The following SLCO1B1 variants were observed in gnomAD, a reference collection of about 807,000 sequenced individuals.
The protein encoded by SLCO1B1 is OATP-2.
SLCO1B1 carries 81 observed loss-of-function variants against 70.1 expected under a neutral mutation model. That is an observed-to-expected ratio of 1.16 (90% CI 0.97 to 1.39). SLCO1B1 has a LOEUF of 1.39. Among genes scored for constraint, SLCO1B1 ranks in the 40% most tolerant of loss-of-function variants. The pLI is 0.00. For synonymous variants in SLCO1B1, 283 were observed against 271.5 expected (o/e 1.04, Z -0.42); for missense variants, 895 against 799.6 (o/e 1.12, Z -1.44).
intron 1 of SLCO1B1, among the ~76,000 whole-genome samples, chr12:21,139,519 C>T (rs1459022230): frequency 6.6e-6 from 1 of 152,024 alleles, no homozygotes; most frequent in East Asian, 1.9e-4. Flanking sequence ...TATGCACTAT[C>T]CCTTAAATAT....
At chr12:21,154,833 ATATATCTCTT>A (rs1565667854) in intron 2 of SLCO1B1, among the ~76,000 whole-genome samples, 1 of 152,122 alleles carries the variant, frequency 6.6e-6, no homozygotes, top group East Asian at 1.9e-4. Context: ...ATGCTTGAGC[ATATATCTCTT>A]TATAGCTGAG....
intron 11 of SLCO1B1, among the ~76,000 whole-genome samples, chr12:21,208,680 A>C (rs1565439376): frequency 6.6e-6 from 1 of 152,092 alleles, no homozygotes; most frequent in Non-Finnish European, 1.5e-5. Flanking sequence ...CGGTTGTTTG[A>C]TAAGAATACC....
intron 11 of SLCO1B1, among the ~76,000 whole-genome samples, chr12:21,216,168 A>C (rs1290091851): frequency 6.6e-6 from 1 of 152,102 alleles, no homozygotes; most frequent in Non-Finnish European, 1.5e-5. Context: ...TTATTACTAA[A>C]TCCTCAATAA....
intron 2 of SLCO1B1, 86 bp from the exon 3 acceptor site, chr12:21,172,563 AG>A: frequency 2.1e-6 from 3 of 1,408,598 alleles, no homozygotes; most frequent in Non-Finnish European, 3.0e-6. Context: ...TAAGTAAAGA[AG>A]AAAGCTATTA....
At chr12:21,171,418 G>T (rs867267257) in intron 2 of SLCO1B1, among the ~76,000 whole-genome samples, 2 of 152,134 alleles carry the variant, frequency 1.3e-5, no homozygotes, top group African/African-American at 2.4e-5. Context: ...GTTGTTTATG[G>T]TCTCATAGGT....
At chr12:21,197,632 A>T (rs544791241) in intron 8 of SLCO1B1, among the ~76,000 whole-genome samples, 1 of 152,218 alleles carries the variant, frequency 6.6e-6, no homozygotes, top group Admixed American at 6.5e-5. Flanking sequence ...TATATAGACA[A>T]TAGCAATATA....
intron 2 of SLCO1B1, among the ~76,000 whole-genome samples, chr12:21,157,101 G>A (rs1423577641): frequency 6.6e-6 from 1 of 152,044 alleles, no homozygotes. Context: ...TACTATTTAT[G>A]AGGAAACTAC....
intron 2 of SLCO1B1, among the ~76,000 whole-genome samples, chr12:21,144,762 A>G (rs1420900803): frequency 6.6e-6 from 1 of 152,154 alleles, no homozygotes; most frequent in Non-Finnish European, 1.5e-5. Flanking sequence ...ACCTATTTTC[A>G]CCATCCTTAA....
intron 7 of SLCO1B1, among the ~76,000 whole-genome samples, chr12:21,196,414 G>A (rs1941092495): frequency 6.6e-6 from 1 of 151,878 alleles, no homozygotes; most frequent in South Asian, 2.1e-4. Context: ...AACTCTTCAG[G>A]GTTACTTTTA....
chr12:21,164,495 T>G (rs1940660948), intron 2 of SLCO1B1, among the ~76,000 whole-genome samples: 1 of 152,154 alleles, frequency 6.6e-6, no homozygotes, highest in Non-Finnish European at 1.5e-5. Flanking sequence ...TTTTCTGAAG[T>G]CAGCTTTCTA....
chr12:21,205,959 G>C lies in SLCO1B1; in HGVS notation c.1423G>C (p.Gly475Arg), dbSNP rs1015078940. The C allele has an allele frequency of 1.2e-6, 2 of 1,612,146 alleles. No homozygotes were observed. The highest frequency in any genetic ancestry group is 1.7e-6 in the Non-Finnish European group (2 of 1,178,684). ...TGAAAGTCAATGGGAACCAGTCTGT[G>C]GAAACAATGGAATAACTTACATCTC... ...CDESQWEPVC[G>R]NNGITYISPC... The change falls in exon 11 of 15, where the codon GGA (glycine) becomes CGA (arginine). Residue 475 changes from glycine (G) to arginine (R), a missense_variant. By Grantham distance (125) the Gly-to-Arg change is moderately radical. Coordinates refer to ENST00000256958, the MANE Select transcript of SLCO1B1 (RefSeq NM_006446.5).
intron 9 of SLCO1B1, among the ~76,000 whole-genome samples, chr12:21,201,106 A>T (rs915480706): frequency 1.1e-4 from 17 of 152,140 alleles, no homozygotes; most frequent in African/African-American, 4.1e-4. Context: ...AATATGCATA[A>T]TTCAAAACAA....
intron 2 of SLCO1B1, among the ~76,000 whole-genome samples, chr12:21,149,388 G>T: frequency 6.6e-6 from 1 of 152,208 alleles, no homozygotes; most frequent in South Asian, 2.1e-4. Flanking sequence ...ATTATTTTGA[G>T]ATATATTCCA....
intron 12 of SLCO1B1, 87 bp from the exon 13 acceptor site, chr12:21,222,213 G>A: frequency 1.9e-6 from 1 of 540,214 alleles, no homozygotes; most frequent in Non-Finnish European, 3.2e-6. Context: ...CTATCATGGA[G>A]AAAAACAACA....
At chr12:21,185,252 C>A (rs1433994797) in intron 7 of SLCO1B1, among the ~76,000 whole-genome samples, 1 of 151,994 alleles carries the variant, frequency 6.6e-6, no homozygotes. Context: ...AACTCTCAAC[C>A]AACTGGATCC....
At chr12:21,204,288 TC>T (rs952098204) in intron 10 of SLCO1B1, among the ~76,000 whole-genome samples, 81 of 152,092 alleles carry the variant, frequency 5.3e-4, no homozygotes, top group African/African-American at 1.9e-3. Context: ...TCTCATGCTA[TC>T]CTGACAGTAT....
intron 2 of SLCO1B1, among the ~76,000 whole-genome samples, chr12:21,163,008 G>A (rs1461768746): frequency 2.0e-5 from 3 of 152,036 alleles, no homozygotes; most frequent in Non-Finnish European, 2.9e-5. Context: ...TTCAAAAGCT[G>A]TATTTCTCAT....
chr12:21,226,545 TG>T (rs1941484061), intron 14 of SLCO1B1, among the ~76,000 whole-genome samples: 1 of 151,872 alleles, frequency 6.6e-6, no homozygotes, highest in Admixed American at 6.6e-5. Context: ...AGGAGCTCAG[TG>T]GGGAGAAGAT....
At chr12:21,178,125 A>G (rs4149052) in intron 5 of SLCO1B1, among the ~76,000 whole-genome samples, 50,824 of 151,772 alleles carry the variant, frequency 0.33, 9,833 homozygotes, top group African/African-American at 0.53. Flanking sequence ...TAATCTCCAC[A>G]TGCCAAGAGT....
Sources: gnomAD v4.1 joint callset for allele counts (sites outside exome capture counted in the v4.1 genomes callset) on GRCh38, gnomAD v4.1.1 for gene constraint, MANE v1.5 for transcripts, NCBI Gene and HGNC (gene_info 2026-07-23, HGNC 2026-07-21) for gene names.